The following GPATCH2L variants were observed in gnomAD, a reference collection of about 807,000 sequenced individuals.
GPATCH2L encodes G-patch domain containing 2 like.
GPATCH2L carries 31 observed loss-of-function variants against 57.4 expected under a neutral mutation model. That is an observed-to-expected ratio of 0.54 (90% CI 0.41 to 0.73). The LOEUF is 0.73. Ranked by LOEUF, GPATCH2L falls within the 30% of genes least tolerant of loss-of-function variation. GPATCH2L has a pLI of 0.00. For missense variants in GPATCH2L, 481 were observed against 599.9 expected, an observed-to-expected ratio of 0.80 and a Z score of 2.07; for synonymous variants, 199 against 210.7, an observed-to-expected ratio of 0.94 and a Z score of 0.48.
rs1381410484 is a variant in GPATCH2L, at chr14:76,211,366, A to G, written c.*9515A>G. Reference sequence around the variant, plus strand: ...AAAGCTGGAACTGAGATGTGAACAGATTTGCATTGCCTTGATCACCTTCCG... The same window carrying G: ...AAAGCTGGAACTGAGATGTGAACAGGTTTGCATTGCCTTGATCACCTTCCG... On this transcript the variant is annotated 3_prime_UTR_variant, in exon 10 of 10. Transcript: ENST00000261530. 1 of 152,214 alleles carries G rather than the reference A, an allele frequency of 6.6e-6. No individual in the cohort carries two copies. The highest frequency in any genetic ancestry group is 3.2e-3 in the Middle Eastern group (1 of 316). 9.4% of individuals were successfully genotyped at this position (152,214 alleles called of 1,614,324 possible).
chr14:76,197,520 C>T lies in GPATCH2L; in HGVS notation c.1288+1548C>T, dbSNP rs752931166. Reference sequence around the variant, plus strand: ...TTCCTCACTTGTTGACTAAGCCCTGCTTCACTGAGCATTTTCTTTTTTTCT... The same window carrying T: ...TTCCTCACTTGTTGACTAAGCCCTGTTTCACTGAGCATTTTCTTTTTTTCT... On this transcript the variant is annotated intron_variant, in intron 9 of 9. Coordinates refer to ENST00000261530, the MANE Select transcript of GPATCH2L (RefSeq NM_017926.4). Among the ~76,000 whole-genome samples the T allele has an allele frequency of 1.3e-5, 2 of 152,128 alleles. 1 individual carries two copies. Among genetic ancestry groups the T allele is most frequent in the Non-Finnish European group, 2.9e-5 (2 of 68,010 alleles).
At position 76,166,726 on chromosome 14, in the gene GPATCH2L, A is replaced by G; in HGVS notation, c.726A>G (p.Gln242=). 1 of 1,595,926 alleles carries G rather than the reference A, an allele frequency of 6.3e-7. No homozygotes were observed. Among genetic ancestry groups the G allele is most frequent in the Non-Finnish European group, 8.6e-7 (1 of 1,163,498 alleles). ...TGLFTNDEGR[Q]GDDEQSDWFY... Reference sequence around the variant, plus strand: ...TCTTTACCAATGATGAAGGGCGACAAGGTAATGTCGATCCCAGCTTTGGGA... The same window carrying G: ...TCTTTACCAATGATGAAGGGCGACAGGGTAATGTCGATCCCAGCTTTGGGA... The change falls in exon 3 of 10, where the codon CAA becomes CAG. Residue 242 remains glutamine, a splice_region_variant and synonymous_variant. Transcript: ENST00000261530.
chr14:76,169,208 G>C (rs1446353962), intron 3 of GPATCH2L, among the ~76,000 whole-genome samples: 1 of 151,990 alleles, frequency 6.6e-6, no homozygotes, highest in African/African-American at 2.4e-5. Context: ...GTTCTCTGTG[G>C]CTCCTTGTAT....
intron 9 of GPATCH2L, among the ~76,000 whole-genome samples, chr14:76,200,106 C>T (rs915917889): frequency 6.6e-6 from 1 of 152,068 alleles, no homozygotes; most frequent in South Asian, 2.1e-4. Context: ...CTTTTATAAG[C>T]TACTAGAATA....
downstream of GPATCH2L, among the ~76,000 whole-genome samples, chr14:76,215,863 A>C (rs552396156): frequency 1.3e-5 from 2 of 150,608 alleles, no homozygotes; most frequent in Non-Finnish European, 3.0e-5. Context: ...ACATGTATAC[A>C]TATGTAACCT....
chr14:76,192,095 T>C (rs1168420093), intron 8 of GPATCH2L, among the ~76,000 whole-genome samples: 1 of 151,908 alleles, frequency 6.6e-6, no homozygotes, highest in Non-Finnish European at 1.5e-5. Context: ...TCCATCCATG[T>C]TGCTGTGAAT....
At chr14:76,201,658 A>T (rs1362990748) in intron 9 of GPATCH2L, 33 bp from the exon 10 acceptor site, 3 of 1,512,186 alleles carry the variant, frequency 2.0e-6, no homozygotes, top group African/African-American at 2.8e-5. Flanking sequence ...TCTCCCCTTG[A>T]TGTTTTGCTC....
intron 1 of GPATCH2L, among the ~76,000 whole-genome samples, chr14:76,227,504 GAC>G (rs1370950305): frequency 2.0e-5 from 3 of 152,200 alleles, no homozygotes; most frequent in African/African-American, 7.2e-5. Context: ...CTTGTGGAGA[GAC>G]GAATCCAGGG....
At chr14:76,228,534 T>C (rs2360982) in intron 1 of GPATCH2L, among the ~76,000 whole-genome samples, 67,847 of 152,082 alleles carry the variant, frequency 0.45, 15,771 homozygotes, top group African/African-American at 0.57. Flanking sequence ...GTGGGTTGCA[T>C]CTGTAATAAG....
intron 7 of GPATCH2L, chr14:76,179,656 TATC>T (rs2039480636): frequency 6.6e-6 from 1 of 152,210 alleles, no homozygotes; most frequent in African/African-American, 2.4e-5. Context: ...AGTTTGAAGT[TATC>T]ATTCCGGGTT....
intron 1 of GPATCH2L, among the ~76,000 whole-genome samples, chr14:76,226,917 G>A (rs768500800): frequency 3.3e-5 from 5 of 152,216 alleles, no homozygotes; most frequent in Non-Finnish European, 7.3e-5. Context: ...TTCTGGAAGT[G>A]TATTGTATTC....
intron 8 of GPATCH2L, among the ~76,000 whole-genome samples, chr14:76,192,245 A>G (rs1041398057): frequency 2.0e-5 from 3 of 151,734 alleles, no homozygotes; most frequent in African/African-American, 7.3e-5. Context: ...ATAGAAAAAT[A>G]GATTTTCCCA....
In GPATCH2L at chr14:76,195,939, G is replaced by A; in HGVS notation, c.1255G>A (p.Val419Met). The A allele has an allele frequency of 6.2e-7, 1 of 1,613,788 alleles. No individual in the cohort carries two copies. The highest frequency in any genetic ancestry group is 1.3e-5 in the African/African-American group (1 of 75,030). The change falls in exon 9 of 10, where the codon GTG becomes ATG. Residue 419 changes from valine to methionine, a missense_variant. By Grantham distance (21) the Val-to-Met change is conservative (BLOSUM62 1). This residue lies in a region of GPATCH2L where 248 missense variants were observed against 270.5 expected (regional missense o/e 0.92). Coordinates refer to ENST00000261530, the MANE Select transcript of GPATCH2L (RefSeq NM_017926.4). Reference sequence around the variant, plus strand: ...TGACATCAAGAGGAAGCGGAAACCAGTGGCCACAGCATCTTTGTCTAGCCC... The same window carrying A: ...TGACATCAAGAGGAAGCGGAAACCAATGGCCACAGCATCTTTGTCTAGCCC... ...SRDIKRKRKP[V>M]ATASLSSPSA...
At chr14:76,233,728 G>T (rs1168801903) in intron 2 of GPATCH2L, among the ~76,000 whole-genome samples, 1 of 152,156 alleles carries the variant, frequency 6.6e-6, no homozygotes, top group Non-Finnish European at 1.5e-5. Flanking sequence ...TTAACGATAA[G>T]TCCTTAATGT....
intron 8 of GPATCH2L, among the ~76,000 whole-genome samples, chr14:76,190,448 A>G (rs550766214): frequency 6.6e-6 from 1 of 152,158 alleles, no homozygotes; most frequent in East Asian, 1.9e-4. Flanking sequence ...TGGGGAAACT[A>G]TGACACTCTT....
chr14:76,180,137 A>T (rs957262880), intron 7 of GPATCH2L: 1 of 152,234 alleles, frequency 6.6e-6, no homozygotes, highest in Non-Finnish European at 1.5e-5. Context: ...TGGAGGTTGC[A>T]GTGAGCTGAG....
Position 76,225,784 on chromosome 14 carries a change from A to G in GPATCH2L, c.66-4024A>G, listed in dbSNP as rs181740299. On this transcript the variant is annotated intron_variant and NMD_transcript_variant, in intron 1 of 3. Transcript: ENST00000556372. ...TCAATGAAAACAAACAGATGATCCA[A>G]TGAAATTATGGGCAAATGACTTGAA... Among the ~76,000 whole-genome samples the G allele has an allele frequency of 3.0e-4, 45 of 152,324 alleles. No individual in the cohort carries two copies. In the South Asian group the frequency reaches 4.6e-3, roughly 15 times the overall value.
intron 1 of GPATCH2L, among the ~76,000 whole-genome samples, chr14:76,152,263 G>A (rs556520345): frequency 3.1e-4 from 46 of 150,776 alleles, no homozygotes; most frequent in Middle Eastern, 6.8e-3. Context: ...GGTGTCCCGA[G>A]CCATGGTCGC....
At chr14:76,217,013 G>A (rs1005127993), downstream of GPATCH2L, among the ~76,000 whole-genome samples, 1 of 152,080 alleles carries the variant, frequency 6.6e-6, no homozygotes, top group African/African-American at 2.4e-5. Flanking sequence ...AGGAAAAAGT[G>A]GATCTGTTTC....
Sources: gnomAD v4.1 joint callset for allele counts (sites outside exome capture counted in the v4.1 genomes callset) on GRCh38, gnomAD v4.1.1 for gene constraint, gnomAD v4.1.1 regional missense constraint, MANE v1.5 for transcripts, NCBI Gene and HGNC (gene_info 2026-07-23, HGNC 2026-07-21) for gene names.